GMDS: variants seen among roughly 807,000 people sequenced by gnomAD.
GMDS encodes the protein GDP-mannose 4,6-dehydratase.
A neutral mutation model predicts 49.9 loss-of-function variants in GMDS; 20 were observed. The observed-to-expected ratio is 0.40, with a 90% CI of 0.28 to 0.58. The LOEUF (loss-of-function observed/expected upper bound fraction) is 0.58, where lower values mean the gene tolerates loss of function less well. Ranked by LOEUF, GMDS falls within the 20% of genes least tolerant of loss-of-function variation. The pLI, the probability that GMDS is intolerant of heterozygous loss-of-function variation, is 0.42. For missense variants in GMDS, 362 were observed against 481.4 expected (o/e 0.75, Z 2.32); for synonymous variants, 177 against 178.6 (o/e 0.99, Z 0.07).
intron 4 of GMDS, among the ~76,000 whole-genome samples, chr6:2,057,715 T>G (rs1581584332): frequency 6.6e-6 from 1 of 152,118 alleles, no homozygotes; most frequent in East Asian, 1.9e-4. Flanking sequence ...GAGAAATAAT[T>G]CATGGAATTC....
chr6:1,788,267 G>A (rs754236492), intron 7 of GMDS, among the ~76,000 whole-genome samples: 12 of 152,180 alleles, frequency 7.9e-5, no homozygotes, highest in Non-Finnish European at 1.6e-4. Context: ...AGAATGCAGG[G>A]CAGAATTGCA....
At chr6:2,144,829 C>G (rs1438605022) in intron 1 of GMDS, among the ~76,000 whole-genome samples, 1 of 152,156 alleles carries the variant, frequency 6.6e-6, no homozygotes, top group Non-Finnish European at 1.5e-5. Context: ...AGTGACTGCA[C>G]AAAGTAAGGC....
In GMDS at chr6:1,771,461, C is replaced by T. The variant is rs572993163; in HGVS notation, c.772-28875G>A. 2.6e-5 allele frequency among the ~76,000 whole-genome samples: 4 copies of T among 152,226 alleles called. No homozygotes were observed. The South Asian group carries it at 8.3e-4, about 32-fold the overall frequency. ...CCTTTGCAGGCCCAAACAAAATGCA[C>T]AAGAAAAGGAGTGTGAAGTGCCTGG... On this transcript the variant is annotated intron_variant, in intron 7 of 10. Transcript: ENST00000380815.
chr6:2,183,491 A>T (rs1346896756), intron 1 of GMDS, among the ~76,000 whole-genome samples: 1 of 152,242 alleles, frequency 6.6e-6, no homozygotes, highest in African/African-American at 2.4e-5. Context: ...CTTATAGATA[A>T]GCAAAGAAAG....
chr6:1,742,399 G>C, intron 8 of GMDS, 69 bp downstream of exon 8: 2 of 837,000 alleles, frequency 2.4e-6, no homozygotes, highest in East Asian at 4.9e-5. Flanking sequence ...AGCCAGAACC[G>C]AGGCTTCAGC....
At chr6:2,149,123 T>C (rs962178091) in intron 1 of GMDS, among the ~76,000 whole-genome samples, 1 of 152,108 alleles carries the variant, frequency 6.6e-6, no homozygotes, top group Non-Finnish European at 1.5e-5. Context: ...ACATTTCTTC[T>C]GCTTGCTCAA....
intron 9 of GMDS, among the ~76,000 whole-genome samples, chr6:1,639,611 G>C (rs1029342097): frequency 6.6e-6 from 1 of 152,224 alleles, no homozygotes; most frequent in African/African-American, 2.4e-5. Flanking sequence ...GCTGAGGCCG[G>C]GCACGGTGGC....
chr6:1,672,843 T>C (rs1029868505), intron 9 of GMDS, among the ~76,000 whole-genome samples: 1 of 152,184 alleles, frequency 6.6e-6, no homozygotes, highest in African/African-American at 2.4e-5. Flanking sequence ...GAAACTGCCC[T>C]GAGATGCTAG....
chr6:2,133,570 A>C (rs765843528), intron 1 of GMDS, among the ~76,000 whole-genome samples: 2 of 152,222 alleles, frequency 1.3e-5, no homozygotes, highest in Non-Finnish European at 2.9e-5. Flanking sequence ...GCAGGTCATG[A>C]TAGAAATGTC....
intron 4 of GMDS, among the ~76,000 whole-genome samples, chr6:1,981,791 C>T (rs541792567): frequency 7.1e-4 from 108 of 152,274 alleles, no homozygotes; most frequent in Admixed American, 9.8e-4. Flanking sequence ...ACTGGCAAAC[C>T]GAATCTGGCA....
chr6:2,010,557 C>T (rs547914741), intron 4 of GMDS, among the ~76,000 whole-genome samples: 1 of 152,044 alleles, frequency 6.6e-6, no homozygotes, highest in African/African-American at 2.4e-5. Flanking sequence ...AAATAACACT[C>T]AATAAGGTAA....
intron 8 of GMDS, among the ~76,000 whole-genome samples, chr6:1,740,861 GC>G (rs1767243020): frequency 6.6e-6 from 1 of 151,836 alleles, no homozygotes; most frequent in Non-Finnish European, 1.5e-5. Flanking sequence ...TCTTATTTTT[GC>G]CTTAATTTTC....
At chr6:2,047,538 C>G (rs6912255) in intron 4 of GMDS, among the ~76,000 whole-genome samples, 64,857 of 151,858 alleles carry the variant, frequency 0.43, 13,961 homozygotes, top group Middle Eastern at 0.49. Context: ...CCAGGCTGGG[C>G]AGTGCAGTGG....
chr6:2,117,147 A>G (rs1774889904), intron 3 of GMDS, among the ~76,000 whole-genome samples: 2 of 152,182 alleles, frequency 1.3e-5, no homozygotes, highest in South Asian at 4.1e-4. Flanking sequence ...GGGTCGGTGC[A>G]CTGCCAGTGT....
At chr6:1,804,896 T>C (rs1316633691) in intron 7 of GMDS, among the ~76,000 whole-genome samples, 1 of 152,248 alleles carries the variant, frequency 6.6e-6, no homozygotes, top group Non-Finnish European at 1.5e-5. Context: ...CTCAATGGAA[T>C]GTATTTCCAA....
intron 1 of GMDS, among the ~76,000 whole-genome samples, chr6:2,194,030 AT>A (rs34320046): frequency 0.3 from 44,786 of 150,392 alleles, 7,831 homozygotes; most frequent in African/African-American, 0.5. Context: ...CAAAAATGCT[AT>A]TTTTTTTTAA....
At chr6:1,986,135 A>G (rs532702198) in intron 4 of GMDS, among the ~76,000 whole-genome samples, 3 of 152,358 alleles carry the variant, frequency 2.0e-5, no homozygotes, top group South Asian at 2.1e-4. Context: ...ATTTATTTTA[A>G]TAAGACAAGG....
chr6:2,231,322 C>T (rs530195390), intron 1 of GMDS, among the ~76,000 whole-genome samples: 20 of 152,078 alleles, frequency 1.3e-4, no homozygotes, highest in Admixed American at 7.9e-4. Context: ...GTTTAGGAGG[C>T]CTGAGGTGGG....
chr6:1,645,039 G>C (rs181237778), intron 9 of GMDS, among the ~76,000 whole-genome samples: 2 of 151,676 alleles, frequency 1.3e-5, no homozygotes, highest in African/African-American at 2.4e-5. Flanking sequence ...AGGTTCAAGC[G>C]ATTCTCTTGC....
Sources: gnomAD v4.1 joint callset for allele counts (sites outside exome capture counted in the v4.1 genomes callset) on GRCh38, gnomAD v4.1.1 for gene constraint, MANE v1.5 for transcripts, NCBI Gene and HGNC (gene_info 2026-07-23, HGNC 2026-07-21) for gene names.